Variants in CDH18 observed in about 807,000 individuals in gnomAD.
CDH18 encodes the protein cadherin-18.
A neutral mutation model predicts 67.9 loss-of-function variants in CDH18; 31 were observed. The observed-to-expected ratio is 0.46, with a 90% CI of 0.34 to 0.62. The LOEUF is 0.62. Among genes scored for constraint, CDH18 ranks in the 20% least tolerant of loss-of-function variants. The probability of loss-of-function intolerance (pLI) is 0.01; values close to 1 mark genes in which losing one functional copy is unlikely to be tolerated. For missense variants in CDH18, 890 were observed against 975.5 expected (o/e 0.91, Z 1.17); for synonymous variants, 362 against 347.2 (o/e 1.04, Z -0.48).
chr5:19,768,899 A>C (rs1342491367), intron 3 of CDH18, among the ~76,000 whole-genome samples: 1 of 152,100 alleles, frequency 6.6e-6, no homozygotes, highest in Non-Finnish European at 1.5e-5. Flanking sequence ...ACATATCTGA[A>C]AAAGAAAAGT....
chr5:19,476,265 GCAGA>G (rs1207763939), intron 12 of CDH18, among the ~76,000 whole-genome samples: 1 of 152,072 alleles, frequency 6.6e-6, no homozygotes, highest in Non-Finnish European at 1.5e-5. Context: ...GGTCACTACA[GCAGA>G]CATGGGAAGC....
chr5:19,590,988 C>T, intron 7 of CDH18, 69 bp downstream of exon 7: 1 of 938,360 alleles, frequency 1.1e-6, no homozygotes, highest in South Asian at 1.9e-5. Context: ...TTATTCATGC[C>T]TCTGCCAAAT....
At chr5:20,101,575 TCAA>T (rs1306745764) in intron 2 of CDH18, among the ~76,000 whole-genome samples, 1 of 152,150 alleles carries the variant, frequency 6.6e-6, no homozygotes, top group Non-Finnish European at 1.5e-5. Context: ...AGTAACATCA[TCAA>T]CTAAGACTAT....
intron 1 of CDH18, among the ~76,000 whole-genome samples, chr5:20,506,033 G>C (rs944786130): frequency 6.6e-6 from 1 of 152,082 alleles, no homozygotes; most frequent in African/African-American, 2.4e-5. Flanking sequence ...TAGATAAAGA[G>C]GGTAAGAAGA....
At chr5:20,452,793 A>G (rs1750552931) in intron 1 of CDH18, among the ~76,000 whole-genome samples, 1 of 152,106 alleles carries the variant, frequency 6.6e-6, no homozygotes, top group South Asian at 2.1e-4. Flanking sequence ...ATATAGTAAA[A>G]TATCTAGTAA....
intron 2 of CDH18, among the ~76,000 whole-genome samples, chr5:20,168,183 A>T: frequency 6.6e-6 from 1 of 152,174 alleles, no homozygotes; most frequent in African/African-American, 2.4e-5. Flanking sequence ...TGCTAATTAA[A>T]AATAACATAT....
At chr5:19,619,735 A>C (rs4866038) in intron 5 of CDH18, among the ~76,000 whole-genome samples, 86,910 of 152,058 alleles carry the variant, frequency 0.57, 27,408 homozygotes, top group South Asian at 0.75. Flanking sequence ...AAGATTGACC[A>C]AACTTCCCTA....
intron 3 of CDH18, among the ~76,000 whole-genome samples, chr5:19,757,082 T>C (rs1239518778): frequency 2.6e-5 from 4 of 152,228 alleles, no homozygotes; most frequent in Non-Finnish European, 5.9e-5. Flanking sequence ...GTAAGACCAG[T>C]TAATTCCATG....
chr5:20,494,188 T>C (rs892551375), intron 1 of CDH18, among the ~76,000 whole-genome samples: 1 of 152,090 alleles, frequency 6.6e-6, no homozygotes, highest in African/African-American at 2.4e-5. Context: ...GATAGACAAA[T>C]ACTCTAAATA....
At chr5:19,984,858 C>G (rs746813054) in intron 1 of CDH18, among the ~76,000 whole-genome samples, 8 of 152,066 alleles carry the variant, frequency 5.3e-5, no homozygotes, top group Non-Finnish European at 5.9e-5. Context: ...TAAAACTGTA[C>G]CTTTTAAATC....
At chr5:19,693,902 A>C (rs1332151004) in intron 5 of CDH18, among the ~76,000 whole-genome samples, 1 of 151,912 alleles carries the variant, frequency 6.6e-6, no homozygotes, top group Non-Finnish European at 1.5e-5. Flanking sequence ...TCTGAAAAAA[A>C]AAAAAAAAAA....
chr5:20,264,933 A>C (rs1468952387), intron 1 of CDH18, among the ~76,000 whole-genome samples: 2 of 152,038 alleles, frequency 1.3e-5, no homozygotes, highest in African/African-American at 4.8e-5. Context: ...CCCAAGAATG[A>C]TTTTCTGGCA....
chr5:20,148,304 A>G lies in CDH18; in HGVS notation c.-518+107140T>C, dbSNP rs551603078. Among the ~76,000 whole-genome samples, 79 of 152,058 alleles carry G rather than the reference A, an allele frequency of 5.2e-4. 1 individual carries two copies. The highest frequency in any genetic ancestry group is 2.5e-3 in the South Asian group (12 of 4,810). ...AATAGAGACAGGGTTTCACTGTGTT[A>G]GCCAGGATGGTCTCGATCTCCTGAC... On this transcript the variant is annotated intron_variant, in intron 2 of 14. Transcript: ENST00000507958.
At chr5:19,645,470 G>C (rs1314773499) in intron 5 of CDH18, among the ~76,000 whole-genome samples, 2 of 152,166 alleles carry the variant, frequency 1.3e-5, no homozygotes, top group Non-Finnish European at 2.9e-5. Flanking sequence ...CTAAATAACG[G>C]ATAGTCTGTA....
At chr5:19,992,924 T>C (rs1421803567), upstream of CDH18, among the ~76,000 whole-genome samples, 1 of 152,174 alleles carries the variant, frequency 6.6e-6, no homozygotes, top group Admixed American at 6.6e-5. Flanking sequence ...TGGGTGTTGC[T>C]GTAGTAAGCA....
At position 19,612,465 on chromosome 5, in the gene CDH18, A is replaced by G; in HGVS notation, c.780T>C (p.Asp260=). 1.2e-6 allele frequency: 2 copies of G among 1,614,170 alleles called. No individual in the cohort carries two copies. Among genetic ancestry groups the G allele is most frequent in the East Asian group, 2.2e-5 (1 of 44,874 alleles). The change falls in exon 6 of 13, where the codon GAT becomes GAC. Residue 260 remains aspartate, a synonymous_variant. Coordinates refer to ENST00000382275, the MANE Select transcript of CDH18 (RefSeq NM_004934.5). The part of the protein sequence containing the change: ...GSTTVNITLT[D]VNDNPPRFPQ... The stretch of plus-strand genomic sequence containing the variant: ...GAAAGCGTGGTGGGTTGTCATTGAC[A>G]TCGGTTAAGGTGATGTTGACTGTTG...
At chr5:19,530,478 A>C (rs1040793119) in intron 9 of CDH18, among the ~76,000 whole-genome samples, 1 of 152,092 alleles carries the variant, frequency 6.6e-6, no homozygotes, top group Non-Finnish European at 1.5e-5. Context: ...ACATGTGCAC[A>C]ATGTGCAGGT....
chr5:20,357,253 T>C (rs993935443), intron 1 of CDH18, among the ~76,000 whole-genome samples: 3 of 152,072 alleles, frequency 2.0e-5, no homozygotes, highest in African/African-American at 4.8e-5. Context: ...TTTAACAGAA[T>C]ATCCTCTCCT....
At chr5:19,808,932 T>C in intron 3 of CDH18, among the ~76,000 whole-genome samples, 1 of 151,928 alleles carries the variant, frequency 6.6e-6, no homozygotes, top group East Asian at 1.9e-4. Context: ...CTACATTATA[T>C]TTGGGAATAT....
Sources: allele counts gnomAD v4.1 joint callset (sites outside exome capture counted in the v4.1 genomes callset), GRCh38; gene constraint gnomAD v4.1.1; transcripts MANE v1.5; gene names NCBI Gene and HGNC (gene_info 2026-07-23, HGNC 2026-07-21).